CSGALNACT1: variants seen among roughly 807,000 people sequenced by gnomAD.
The protein encoded by CSGALNACT1 is beta4GalNAcT-1.
CSGALNACT1 carries 52 observed loss-of-function variants against 51.0 expected under a neutral mutation model. That is an observed-to-expected ratio of 1.02 (90% confidence interval 0.82 to 1.29). The LOEUF (loss-of-function observed/expected upper bound fraction) is 1.29. Among genes scored for constraint, CSGALNACT1 ranks in the 50% most tolerant of loss-of-function variants. The pLI is 0.00. For missense variants in CSGALNACT1, 935 were observed against 679.2 expected (o/e 1.38, Z -4.19); for synonymous variants, 341 against 254.4 (o/e 1.34, Z -3.24).
chr8:19,504,131 C>T (rs2076889500), intron 4 of CSGALNACT1, among the ~76,000 whole-genome samples: 1 of 152,202 alleles, frequency 6.6e-6, no homozygotes, highest in Non-Finnish European at 1.5e-5. Flanking sequence ...GGCTGGAGTG[C>T]AGTGGTGTGA....
At chr8:19,674,116 C>T (rs531293813) in intron 1 of CSGALNACT1, among the ~76,000 whole-genome samples, 21 of 152,100 alleles carry the variant, frequency 1.4e-4, no homozygotes, top group Non-Finnish European at 2.2e-4. Flanking sequence ...GGCAAAATCC[C>T]GTCTTTACTA....
chr8:19,742,713 C>T (rs1308867079), intron 1 of CSGALNACT1, among the ~76,000 whole-genome samples: 7 of 152,204 alleles, frequency 4.6e-5, no homozygotes, highest in African/African-American at 9.7e-5. Flanking sequence ...TTCAGCAGGC[C>T]GTAGGCAACT....
At chr8:19,714,017 C>T (rs754704881) in intron 1 of CSGALNACT1, among the ~76,000 whole-genome samples, 1 of 152,206 alleles carries the variant, frequency 6.6e-6, no homozygotes, top group Non-Finnish European at 1.5e-5. Flanking sequence ...AGTTCACCTC[C>T]ACATCCTCCT....
At chr8:19,427,813 G>C (rs910060388) in intron 6 of CSGALNACT1, among the ~76,000 whole-genome samples, 2 of 152,022 alleles carry the variant, frequency 1.3e-5, no homozygotes, top group African/African-American at 4.8e-5. Context: ...GAAAATTAGA[G>C]GGTGGCAATC....
At chr8:19,716,732 T>C (rs10095344) in intron 1 of CSGALNACT1, among the ~76,000 whole-genome samples, 56,748 of 151,072 alleles carry the variant, frequency 0.38, 11,271 homozygotes, top group East Asian at 0.66. Flanking sequence ...GCAGAAGTTG[T>C]AGTGGGCCAA....
intron 3 of CSGALNACT1, among the ~76,000 whole-genome samples, chr8:19,539,992 A>C (rs1286142775): frequency 6.6e-6 from 1 of 152,158 alleles, no homozygotes; most frequent in African/African-American, 2.4e-5. Context: ...TACTGAGAGA[A>C]CTAGTCAACT....
intron 1 of CSGALNACT1, among the ~76,000 whole-genome samples, chr8:19,650,230 G>A (rs892019610): frequency 5.3e-5 from 8 of 152,140 alleles, no homozygotes; most frequent in African/African-American, 1.9e-4. Flanking sequence ...TGATCAATGA[G>A]GTTGTAGAAT....
chr8:19,583,599 G>A (rs2046029045), intron 3 of CSGALNACT1, among the ~76,000 whole-genome samples: 2 of 152,152 alleles, frequency 1.3e-5, no homozygotes, highest in African/African-American at 4.8e-5. Flanking sequence ...TAATAAGCAA[G>A]TATAATTCAC....
At chr8:19,637,328 A>G (rs1174764571) in intron 1 of CSGALNACT1, among the ~76,000 whole-genome samples, 1 of 152,196 alleles carries the variant, frequency 6.6e-6, no homozygotes, top group African/African-American at 2.4e-5. Flanking sequence ...TATTTTCTCA[A>G]TTTGGAGTTG....
At chr8:19,487,354 T>C (rs1309585735) in intron 4 of CSGALNACT1, among the ~76,000 whole-genome samples, 1 of 152,170 alleles carries the variant, frequency 6.6e-6, no homozygotes, top group East Asian at 1.9e-4. Flanking sequence ...CTGCTGTTCA[T>C]GCTTAGTCAA....
At chr8:19,521,711 A>C (rs1244644466) in intron 3 of CSGALNACT1, among the ~76,000 whole-genome samples, 1 of 152,172 alleles carries the variant, frequency 6.6e-6, no homozygotes. Context: ...TAACATGTAC[A>C]TTTCTGAGGA....
Position 19,441,013 on chromosome 8 carries a change from A to G in CSGALNACT1, c.852-1082T>C, listed in dbSNP as rs1204098747. ...ATACCTAGGAATCCAACTTACAAGG[A>G]ATATGAAGGACCTCTTCAAGGAGAA... is the stretch of plus-strand genomic sequence containing the variant. On this transcript the variant is annotated intron_variant, in intron 5 of 9. Transcript: ENST00000454498. 7.9e-5 allele frequency among the ~76,000 whole-genome samples: 12 copies of G among 152,276 alleles called. No individual in the cohort carries two copies. In the South Asian group the frequency reaches 1.5e-3, roughly 18 times the overall value.
intron 1 of CSGALNACT1, among the ~76,000 whole-genome samples, chr8:19,703,990 T>C (rs1049194502): frequency 6.6e-6 from 1 of 152,186 alleles, no homozygotes; most frequent in Non-Finnish European, 1.5e-5. Context: ...ATCATCTATG[T>C]CTGATTTGCT....
intron 1 of CSGALNACT1, among the ~76,000 whole-genome samples, chr8:19,674,098 G>A (rs1419476947): frequency 6.6e-6 from 1 of 152,188 alleles, no homozygotes; most frequent in Admixed American, 6.5e-5. Flanking sequence ...GACCAGCCTG[G>A]CCAACATGGC....
chr8:19,652,296 T>C (rs1325109409), intron 1 of CSGALNACT1, among the ~76,000 whole-genome samples: 1 of 152,142 alleles, frequency 6.6e-6, no homozygotes, highest in Admixed American at 6.5e-5. Flanking sequence ...TGAGGTTGAT[T>C]AATAATAACT....
intron 1 of CSGALNACT1, among the ~76,000 whole-genome samples, chr8:19,677,071 G>A (rs1026940949): frequency 1.3e-5 from 2 of 151,564 alleles, no homozygotes; most frequent in African/African-American, 4.8e-5. Flanking sequence ...AGGGAAGAAA[G>A]AATGCACCAG....
chr8:19,465,002 C>G (rs551108756), intron 4 of CSGALNACT1, among the ~76,000 whole-genome samples: 2 of 152,108 alleles, frequency 1.3e-5, no homozygotes, highest in African/African-American at 4.8e-5. Flanking sequence ...GGTCTATATC[C>G]CAAAGAATTA....
At chr8:19,599,971 G>A (rs1412631890) in intron 2 of CSGALNACT1, among the ~76,000 whole-genome samples, 4 of 152,210 alleles carry the variant, frequency 2.6e-5, no homozygotes, top group Non-Finnish European at 5.9e-5. Context: ...ACATTTAGTA[G>A]CATTAGGCCA....
At chr8:19,553,624 T>C (rs1015049595) in intron 3 of CSGALNACT1, among the ~76,000 whole-genome samples, 1 of 138,464 alleles carries the variant, frequency 7.2e-6, no homozygotes, top group Non-Finnish European at 1.5e-5. Context: ...TAAATACATA[T>C]ATATATATAT....
Sources: allele counts gnomAD v4.1 joint callset (sites outside exome capture counted in the v4.1 genomes callset), GRCh38; gene constraint gnomAD v4.1.1; transcripts MANE v1.5; gene names NCBI Gene and HGNC (gene_info 2026-07-23, HGNC 2026-07-21).